Variants in PLCG1 observed in about 807,000 individuals in gnomAD.
PLCG1 encodes the protein phospholipase C gamma 1, also known as 1-phosphatidylinositol 4,5-bisphosphate phosphodiesterase gamma-1.
In PLCG1, 71 loss-of-function variants were observed where a neutral mutation model predicts 177.8. That is an observed-to-expected ratio of 0.40 (90% CI 0.33 to 0.49). The LOEUF (loss-of-function observed/expected upper bound fraction) is 0.49, where lower values mean the gene tolerates loss of function less well. Among genes scored for constraint, PLCG1 ranks in the 20% least tolerant of loss-of-function variants. The pLI is 0.72. For synonymous variants in PLCG1, 658 were observed against 647.9 expected, an observed-to-expected ratio of 1.02 and a Z score of -0.24; for missense variants, 1,281 against 1,709.0, an observed-to-expected ratio of 0.75 and a Z score of 4.42.
chr20:41,177,006 T>A lies in PLCG1; in HGVS notation c.*2497T>A, dbSNP rs1227585041. The A allele has an allele frequency of 6.6e-6, 1 of 152,246 alleles. No homozygotes were observed. The highest frequency in any genetic ancestry group is 6.5e-5 in the Admixed American group (1 of 15,286). The allele number at this position is 152,246 out of a possible 1,614,324, so 9.4% of individuals were successfully genotyped here. On this transcript the variant is annotated 3_prime_UTR_variant, in exon 32 of 32. Coordinates refer to ENST00000685551, the MANE Select transcript of PLCG1 (RefSeq NM_002660.3). ...AATACTGGTACCCGGGGCCTTAGCATAGGTATTGTTCAAAACCTCTCAAGG... is the reference window on the plus strand; with the variant it reads ...AATACTGGTACCCGGGGCCTTAGCAAAGGTATTGTTCAAAACCTCTCAAGG...
chr20:41,169,395 A>C, intron 22 of PLCG1, 62 bp from the exon 23 acceptor site: 1 of 1,282,086 alleles, frequency 7.8e-7, no homozygotes, highest in East Asian at 2.3e-5. Flanking sequence ...ATGCACACGG[A>C]TATCCCCTCA....
chr20:41,172,677 G>A lies in PLCG1; in HGVS notation c.3130+32G>A. ...AAGTCCCCTGTGAGGAGGGTGAGGA[G>A]GGGCACTGTGGGGCAGCTGGACTGG... On this transcript the variant is annotated intron_variant, in intron 26 of 31. Coordinates refer to ENST00000685551, the MANE Select transcript of PLCG1 (RefSeq NM_002660.3). This position sits in a 1 kb window ranked among gnomAD's most constrained non-coding sequence, Gnocchi z 7.0. 1 of 1,612,798 alleles carries A rather than the reference G, an allele frequency of 6.2e-7. No individual in the cohort carries two copies. The highest frequency in any genetic ancestry group is 8.5e-7 in the Non-Finnish European group (1 of 1,179,108).
In PLCG1 at chr20:41,137,596, C is replaced by G. The variant is rs1307966337; in HGVS notation, c.-46C>G. ...TCAGCCGCCGCCGTTGCGCTTGCTC[C>G]CGGGCGGTCCTGGCCTGTGCCGCCG... On this transcript the variant is annotated 5_prime_UTR_variant, in exon 1 of 32. Transcript: ENST00000685551. The surrounding 1 kb of genome is among the most constrained non-coding windows in gnomAD (Gnocchi z 7.3). The G allele has an allele frequency of 3.4e-6, 4 of 1,191,832 alleles. No homozygotes were observed. The highest frequency in any genetic ancestry group is 4.3e-6 in the Non-Finnish European group (4 of 937,010). 73.8% of individuals were successfully genotyped at this position (1,191,832 alleles called of 1,614,324 possible).
Position 41,165,890 on chromosome 20 carries a change from A to C in PLCG1, c.1799+64A>C. ...TGTGTACACAGACATCACATCACCC[A>C]GAGATAATCAGTTAACATTTGAGCC... is the stretch of plus-strand genomic sequence containing the variant. On this transcript the variant is annotated intron_variant, in intron 16 of 31. Coordinates refer to ENST00000685551, the MANE Select transcript of PLCG1 (RefSeq NM_002660.3). The surrounding 1 kb of genome is among the most constrained non-coding windows in gnomAD (Gnocchi z 6.6). The C allele has an allele frequency of 7.7e-7, 1 of 1,292,412 alleles. No individual in the cohort carries two copies. The highest frequency in any genetic ancestry group is 1.1e-6 in the Non-Finnish European group (1 of 931,790). The allele number at this position is 1,292,412 out of a possible 1,614,324, so 80.1% of individuals were successfully genotyped here.
chr20:41,169,600 T>A, intron 23 of PLCG1, 74 bp downstream of exon 23: 1 of 1,202,714 alleles, frequency 8.3e-7, no homozygotes, highest in Non-Finnish European at 1.2e-6. Context: ...TTCCTGCTCC[T>A]AGGGAGGAAG....
rs565636262 is a variant in PLCG1, at chr20:41,151,003, G to A, written c.218-8603G>A. Among the ~76,000 whole-genome samples, 9 of 152,174 alleles carry A rather than the reference G, an allele frequency of 5.9e-5. No homozygotes were observed. The highest frequency in any genetic ancestry group is 1.2e-4 in the Non-Finnish European group (8 of 68,030). On this transcript the variant is annotated intron_variant, in intron 1 of 31. Transcript: ENST00000685551. This position sits in a 1 kb window ranked among gnomAD's most constrained non-coding sequence, Gnocchi z 5.5. ...AGGGCCTGACATGGAGTAGATAGAT[G>A]CCCGATAAATGTTTGATCAGATGAT...
chr20:41,143,739 G>A (rs1320988125), intron 1 of PLCG1, among the ~76,000 whole-genome samples: 1 of 152,102 alleles, frequency 6.6e-6, no homozygotes, highest in African/African-American at 2.4e-5. Flanking sequence ...TGTGACCTTG[G>A]GCAGATTACT....
At chr20:41,162,848 TCTC>T (rs1416410193) in intron 6 of PLCG1, 107 bp from the exon 7 acceptor site, 9 of 1,335,238 alleles carry the variant, frequency 6.7e-6, no homozygotes, top group Non-Finnish European at 9.7e-6. Context: ...CTCCAGTTCT[TCTC>T]CTCTTGAGGC....
In PLCG1 at chr20:41,163,381, C is replaced by A; in HGVS notation, c.793C>A (p.Leu265Met). 1 of 1,611,822 alleles carries A rather than the reference C, an allele frequency of 6.2e-7. No individual in the cohort carries two copies. ...QQFLLDYQGELWAVDRLQVQE... is the reference protein window; with the variant it reads ...QQFLLDYQGEMWAVDRLQVQE... Reference sequence around the variant, plus strand: ...CCTGCCCTCCCTACCCCATCAGGAGCTGTGGGCTGTTGATCGCCTCCAGGT... The same window carrying A: ...CCTGCCCTCCCTACCCCATCAGGAGATGTGGGCTGTTGATCGCCTCCAGGT... Residue 265 changes from leucine (L) to methionine (M), a missense_variant, in exon 9 of 32, where the codon CTG becomes ATG. By Grantham distance (15) the Leu-to-Met change is conservative (BLOSUM62 2). Transcript: ENST00000685551. The surrounding 1 kb of genome is among the most constrained non-coding windows in gnomAD (Gnocchi z 5.2).
Position 41,165,769 on chromosome 20 carries a change from G to C in PLCG1, c.1742G>C (p.Gly581Ala). 1 of 1,607,456 alleles carries C rather than the reference G, an allele frequency of 6.2e-7. No individual in the cohort carries two copies. Among genetic ancestry groups the C allele is most frequent in the Non-Finnish European group, 8.5e-7 (1 of 1,174,954 alleles). Residue 581 changes from glycine to alanine, a missense_variant, in exon 16 of 32, where the codon GGC becomes GCC. Coordinates refer to ENST00000685551, the MANE Select transcript of PLCG1 (RefSeq NM_002660.3). This position sits in a 1 kb window ranked among gnomAD's most constrained non-coding sequence, Gnocchi z 6.6. ...EYCIETGAPD[G>A]SFLVRESETF... ...TGCATCGAGACCGGAGCCCCTGACG[G>C]CTCCTTCCTCGTGCGAGAGAGTGAG...
In PLCG1 at chr20:41,164,998, A is replaced by C. The variant is rs1299020521; in HGVS notation, c.1283A>C (p.Tyr428Ser). The change falls in exon 13 of 32, where the codon TAC becomes TCC. Residue 428 changes from tyrosine (Y) to serine (S), a missense_variant. Coordinates refer to ENST00000685551, the MANE Select transcript of PLCG1 (RefSeq NM_002660.3). This position sits in a 1 kb window ranked among gnomAD's most constrained non-coding sequence, Gnocchi z 6.4. ...SIAQQRNMAQ[Y>S]FKKVLGDTLL... The stretch of plus-strand genomic sequence containing the variant: ...GCCCAGCAGAGAAACATGGCCCAAT[A>C]CTTCAAGAAGGTGCTGGGGGACACA... The C allele has an allele frequency of 6.2e-7, 1 of 1,614,212 alleles. No individual in the cohort carries two copies. The highest frequency in any genetic ancestry group is 1.1e-5 in the South Asian group (1 of 91,078).
chr20:41,139,062 C>G (rs1340131740), intron 1 of PLCG1, among the ~76,000 whole-genome samples: 1 of 152,108 alleles, frequency 6.6e-6, no homozygotes, highest in East Asian at 1.9e-4. Flanking sequence ...TCCCACAAAC[C>G]TTCTTGGGTA....
At chr20:41,140,102 G>T (rs924030297) in intron 1 of PLCG1, among the ~76,000 whole-genome samples, 5 of 152,204 alleles carry the variant, frequency 3.3e-5, no homozygotes, top group Admixed American at 1.3e-4. Context: ...CTACCCAGGG[G>T]TGAGCAGGTG....
At position 41,162,869 on chromosome 20, in the gene PLCG1, C is replaced by T; in HGVS notation, c.682-89C>T. On this transcript the variant is annotated intron_variant, in intron 6 of 31. Transcript: ENST00000685551. ...TTCTTCTCCTCTTGAGGCCTGCCCC[C>T]ATCTGCTGCTCTAGCCTGCCTTCTT... 4 of 1,370,460 alleles carry T rather than the reference C, an allele frequency of 2.9e-6. 1 individual carries two copies. In the South Asian group the frequency reaches 3.5e-5, roughly 12 times the overall value. The allele number at this position is 1,370,460 out of a possible 1,614,324, so 84.9% of individuals were successfully genotyped here.
At position 41,163,603 on chromosome 20, in the gene PLCG1, T is replaced by C; in HGVS notation, c.892-112T>C. ...ACCTTGTTTCTACCTACTGTGCACC[T>C]TGCCCACCCCCAGTTGGGACAGAGC... On this transcript the variant is annotated intron_variant, in intron 9 of 31. Transcript: ENST00000685551. The surrounding 1 kb of genome is among the most constrained non-coding windows in gnomAD (Gnocchi z 5.2). 9.5e-7 allele frequency: 1 copy of C among 1,050,232 alleles called. No homozygotes were observed. Among genetic ancestry groups the C allele is most frequent in the South Asian group, 1.3e-5 (1 of 77,268 alleles). The allele number at this position is 1,050,232 out of a possible 1,614,324, so 65.1% of individuals were successfully genotyped here. A position where few individuals can be genotyped will look rare whatever the true frequency, so the allele number is the denominator to read the frequency against.
chr20:41,150,485 C>T lies in PLCG1; in HGVS notation c.218-9121C>T, dbSNP rs1316754979. Among the ~76,000 whole-genome samples the T allele has an allele frequency of 6.6e-6, 1 of 152,046 alleles. No homozygotes were observed. Among genetic ancestry groups the T allele is most frequent in the Non-Finnish European group, 1.5e-5 (1 of 68,012 alleles). ...TAGCTAGGAGCCTGGCATACACAGG[C>T]CATCTAGAAAGAACTTAGGCAGCAT... On this transcript the variant is annotated intron_variant, in intron 1 of 31. Coordinates refer to ENST00000685551, the MANE Select transcript of PLCG1 (RefSeq NM_002660.3). The surrounding 1 kb of genome is among the most constrained non-coding windows in gnomAD (Gnocchi z 4.0).
In PLCG1 at chr20:41,163,704, T is replaced by C. The variant is rs377445422; in HGVS notation, c.892-11T>C. The C allele has an allele frequency of 1.9e-4, 291 of 1,563,324 alleles. 3 individuals carry two copies. The Middle Eastern group carries it at 7.7e-3, about 41-fold the overall frequency. On this transcript the variant is annotated splice_polypyrimidine_tract_variant and intron_variant, in intron 9 of 31. Coordinates refer to ENST00000685551, the MANE Select transcript of PLCG1 (RefSeq NM_002660.3). The surrounding 1 kb of genome is among the most constrained non-coding windows in gnomAD (Gnocchi z 5.2). Reference sequence around the variant, plus strand: ...CTCACTGTCTCTTCCCTTCCACATGTTTCTGGACAGTTTGTCACCTTCCTG... The same window carrying C: ...CTCACTGTCTCTTCCCTTCCACATGCTTCTGGACAGTTTGTCACCTTCCTG...
Position 41,173,393 on chromosome 20 carries a change from C to G in PLCG1, c.3280-27C>G. On this transcript the variant is annotated intron_variant, in intron 27 of 31. Coordinates refer to ENST00000685551, the MANE Select transcript of PLCG1 (RefSeq NM_002660.3). This position sits in a 1 kb window ranked among gnomAD's most constrained non-coding sequence, Gnocchi z 6.2. ...AATTGGAGGGAGCAGGAAGGACAAT[C>G]CCAGGCCCTTCTTTGTCTGCCTACA... The G allele has an allele frequency of 6.5e-7, 1 of 1,548,964 alleles. No homozygotes were observed. The highest frequency in any genetic ancestry group is 8.7e-7 in the Non-Finnish European group (1 of 1,146,498).
intron 22 of PLCG1, 87 bp downstream of exon 22, chr20:41,169,262 G>C (rs1006366996): frequency 9.4e-7 from 1 of 1,063,026 alleles, no homozygotes; most frequent in Non-Finnish European, 1.5e-6. Flanking sequence ...AAGCACGCAC[G>C]TGCATGCACA....
Sources: gnomAD v4.1 joint callset for allele counts (sites outside exome capture counted in the v4.1 genomes callset) on GRCh38, gnomAD v4.1.1 for gene constraint, Gnocchi (gnomAD v3.1) non-coding constraint, MANE v1.5 for transcripts, NCBI Gene and HGNC (gene_info 2026-07-23, HGNC 2026-07-21) for gene names.